Variants in ADCY2 observed in about 807,000 individuals in gnomAD.
ADCY2 encodes adenylate cyclase type 2.
A neutral mutation model predicts 125.2 loss-of-function variants in ADCY2; 31 were observed. The ratio of observed to expected loss-of-function variants is 0.25; its 90% CI spans 0.19 to 0.33. ADCY2 has a LOEUF of 0.33. ADCY2 is among the 10% of genes least tolerant of loss of function. The pLI, the probability that ADCY2 is intolerant of heterozygous loss-of-function variation, is 1.00. For missense variants in ADCY2, 904 were observed against 1,418.2 expected (o/e 0.64, Z 5.82); for synonymous variants, 512 against 548.4 (o/e 0.93, Z 0.93).
chr5:7,418,645 C>CTTTT (rs1160037097), intron 2 of ADCY2, among the ~76,000 whole-genome samples: 88 of 92,428 alleles, frequency 9.5e-4, no homozygotes, highest in Non-Finnish European at 1.5e-3. Context: ...AGTCTACCTT[C>CTTTT]TGTTTTTTTT....
chr5:7,767,768 C>A (rs2126475271), intron 17 of ADCY2, among the ~76,000 whole-genome samples: 1 of 152,096 alleles, frequency 6.6e-6, no homozygotes, highest in African/African-American at 2.4e-5. Context: ...GGGTGGCTCA[C>A]ACCTGTAATC....
intron 2 of ADCY2, among the ~76,000 whole-genome samples, chr5:7,520,212 C>T (rs1483899622): frequency 6.6e-6 from 1 of 152,174 alleles, no homozygotes; most frequent in African/African-American, 2.4e-5. Flanking sequence ...GGAATTGCCA[C>T]TCTGAGTTCC....
intron 20 of ADCY2, chr5:7,794,164 T>C (rs1039672630): frequency 2.0e-5 from 3 of 152,186 alleles, no homozygotes; most frequent in Non-Finnish European, 2.9e-5. Flanking sequence ...GAAATGATCG[T>C]GTCATTCTGC....
chr5:7,436,758 A>AGAGAG (rs1427990994), intron 2 of ADCY2, among the ~76,000 whole-genome samples: 4 of 152,220 alleles, frequency 2.6e-5, no homozygotes, highest in Non-Finnish European at 5.9e-5. Context: ...AGCCATGTAA[A>AGAGAG]GAGAGCCTAA....
At chr5:7,402,224 A>G (rs2111440510) in intron 1 of ADCY2, among the ~76,000 whole-genome samples, 1 of 152,302 alleles carries the variant, frequency 6.6e-6, no homozygotes, top group East Asian at 1.9e-4. Flanking sequence ...TCTCTTCCAC[A>G]TCTCCGTGCC....
chr5:7,425,101 G>A (rs1004311504), intron 2 of ADCY2, among the ~76,000 whole-genome samples: 3 of 152,174 alleles, frequency 2.0e-5, no homozygotes, highest in Non-Finnish European at 4.4e-5. Context: ...TGTCTCGAGA[G>A]CCCCAGACCT....
At chr5:7,484,175 T>G (rs1171415849) in intron 2 of ADCY2, among the ~76,000 whole-genome samples, 1 of 152,184 alleles carries the variant, frequency 6.6e-6, no homozygotes, top group Non-Finnish European at 1.5e-5. Flanking sequence ...TTTATTCTAC[T>G]TATATACTAC....
At chr5:7,788,691 C>T (rs564162445) in intron 19 of ADCY2, among the ~76,000 whole-genome samples, 1 of 152,068 alleles carries the variant, frequency 6.6e-6, no homozygotes, top group Non-Finnish European at 1.5e-5. Flanking sequence ...CATGAGAGGC[C>T]ATCTGTGTGC....
chr5:7,572,045 G>A (rs1378378416), intron 3 of ADCY2, among the ~76,000 whole-genome samples: 2 of 152,060 alleles, frequency 1.3e-5, no homozygotes, highest in African/African-American at 2.4e-5. Flanking sequence ...TATCATTGAC[G>A]GGCATTTAGT....
chr5:7,613,566 C>A (rs556724351), intron 3 of ADCY2, among the ~76,000 whole-genome samples: 2 of 152,226 alleles, frequency 1.3e-5, no homozygotes, highest in Non-Finnish European at 2.9e-5. Context: ...TCCCCTGGCA[C>A]ATCAGTGTGT....
At chr5:7,448,837 A>AT in intron 2 of ADCY2, among the ~76,000 whole-genome samples, 1 of 152,322 alleles carries the variant, frequency 6.6e-6, no homozygotes, top group East Asian at 1.9e-4. Context: ...ATAGTATTCC[A>AT]TGGTGTATAT....
chr5:7,580,972 A>G (rs1225158987), intron 3 of ADCY2, among the ~76,000 whole-genome samples: 1 of 152,202 alleles, frequency 6.6e-6, no homozygotes, highest in African/African-American at 2.4e-5. Context: ...ACTCTAAGTG[A>G]AAATATCCTT....
chr5:7,630,629 T>C (rs1328675077), intron 4 of ADCY2, among the ~76,000 whole-genome samples: 1 of 152,104 alleles, frequency 6.6e-6, no homozygotes, highest in Non-Finnish European at 1.5e-5. Flanking sequence ...GCAGGGCTGT[T>C]TTTTTCTGGA....
intron 3 of ADCY2, among the ~76,000 whole-genome samples, chr5:7,613,582 A>G (rs1162101184): frequency 6.6e-6 from 1 of 152,232 alleles, no homozygotes; most frequent in Non-Finnish European, 1.5e-5. Context: ...TGTGTTCATC[A>G]ACCACTGAGC....
rs1312318279 is a variant in ADCY2, at chr5:7,780,299, G to T, written c.2385-4066G>T. Among the ~76,000 whole-genome samples the T allele has an allele frequency of 3.3e-5, 5 of 152,196 alleles. No individual in the cohort carries two copies. The South Asian group carries it at 6.2e-4, about 19-fold the overall frequency. ...AGGTCCCAATCCCTTGCTGAGTGAG[G>T]CTCAGTGAGCAGACTCGTCCTTGTG... On this transcript the variant is annotated intron_variant, in intron 18 of 24. Coordinates refer to ENST00000338316, the MANE Select transcript of ADCY2 (RefSeq NM_020546.3).
At chr5:7,741,991 C>T (rs1311776931) in intron 14 of ADCY2, among the ~76,000 whole-genome samples, 1 of 151,512 alleles carries the variant, frequency 6.6e-6, no homozygotes, top group Non-Finnish European at 1.5e-5. Context: ...TTTATCAAAC[C>T]TCCAAGAAGA....
rs367998018 is a variant in ADCY2 at position 7,761,148 on chromosome 5, C to CTTTTTTTTTTTTTTTTTTT, written c.2094+3563_2094+3581dup. 3.0e-3 allele frequency among the ~76,000 whole-genome samples: 262 copies of CTTTTTTTTTTTTTTTTTTT among 88,154 alleles called. 5 individuals are homozygous for CTTTTTTTTTTTTTTTTTTT. Among genetic ancestry groups the CTTTTTTTTTTTTTTTTTTT allele is most frequent in the Non-Finnish European group, 3.7e-3 (187 of 50,036 alleles). The allele number at this position is 88,154 out of a possible 152,430, so 57.8% of individuals were successfully genotyped here. ...ATCAAAATTTCTTTTCTTTTCTTTT[C>CTTTTTTTTTTTTTTTTTTT]TTTTTTTTTTTTTTTTTTTGAGATG... On this transcript the variant is annotated intron_variant, in intron 16 of 24. Transcript: ENST00000338316.
chr5:7,657,278 G>A (rs1739372170), intron 4 of ADCY2, among the ~76,000 whole-genome samples: 1 of 152,208 alleles, frequency 6.6e-6, no homozygotes, highest in Non-Finnish European at 1.5e-5. Context: ...GGCTGAGGAG[G>A]CAGGGTGCTG....
intron 6 of ADCY2, 32 bp from the exon 7 acceptor site, chr5:7,698,215 T>C: frequency 6.2e-7 from 1 of 1,612,640 alleles, no homozygotes; most frequent in Middle Eastern, 1.7e-4. Context: ...AAGTGCTTAA[T>C]GCAACTGAAA....
Sources: allele counts gnomAD v4.1 joint callset (sites outside exome capture counted in the v4.1 genomes callset), GRCh38; gene constraint gnomAD v4.1.1; transcripts MANE v1.5; gene names NCBI Gene and HGNC (gene_info 2026-07-23, HGNC 2026-07-21).